COL14A1: variants seen among roughly 807,000 people sequenced by gnomAD.
COL14A1 encodes collagen alpha-1(XIV) chain.
A neutral mutation model predicts 230.3 loss-of-function variants in COL14A1; 136 were observed. The ratio of observed to expected loss-of-function variants is 0.59; its 90% CI spans 0.51 to 0.68. The LOEUF (loss-of-function observed/expected upper bound fraction) is 0.68. Ranked by LOEUF, COL14A1 falls within the 30% of genes least tolerant of loss-of-function variation. The probability of loss-of-function intolerance (pLI) is 0.00; values close to 1 mark genes in which losing one functional copy is unlikely to be tolerated. For synonymous variants in COL14A1, 792 were observed against 784.1 expected, an observed-to-expected ratio of 1.01 and a Z score of -0.17; for missense variants, 1,976 against 2,215.8, an observed-to-expected ratio of 0.89 and a Z score of 2.17.
intron 5 of COL14A1, 69 bp from the exon 6 acceptor site, chr8:120,196,722 A>G: frequency 6.6e-7 from 1 of 1,516,922 alleles, no homozygotes; most frequent in Non-Finnish European, 9.0e-7. Flanking sequence ...TCTAAAAGAC[A>G]TTAAGATGGA....
At position 120,327,984 on chromosome 8, in the gene COL14A1, G is replaced by A. The variant is rs28382363; in HGVS notation, c.4660-4157G>A. On this transcript the variant is annotated intron_variant, in intron 40 of 47. Transcript: ENST00000297848. ...TCACCATGTTGGCCAGGCTGGTCTCGAACTCCTGACCTCAGGTCATCTGCC... is the reference window on the plus strand; with the variant it reads ...TCACCATGTTGGCCAGGCTGGTCTCAAACTCCTGACCTCAGGTCATCTGCC... Among the ~76,000 whole-genome samples, 916 of 151,954 alleles carry A rather than the reference G, an allele frequency of 6.0e-3. 13 individuals are homozygous for A. Among genetic ancestry groups the A allele is most frequent in the African/African-American group, 0.02 (818 of 41,474 alleles).
intron 5 of COL14A1, among the ~76,000 whole-genome samples, chr8:120,186,459 A>T (rs74634507): frequency 0.014 from 2,074 of 152,362 alleles, 53 homozygotes; most frequent in African/African-American, 0.048. Context: ...GAACAAAATA[A>T]TTCAAAGCCC....
chr8:120,231,648 C>A, intron 19 of COL14A1, 30 bp downstream of exon 19: 1 of 1,604,288 alleles, frequency 6.2e-7, no homozygotes, highest in Non-Finnish European at 8.5e-7. Flanking sequence ...ACTAGAAACT[C>A]TGCAGATGTT....
chr8:120,238,681 G>T (rs1818525946), intron 19 of COL14A1, among the ~76,000 whole-genome samples: 1 of 152,188 alleles, frequency 6.6e-6, no homozygotes, highest in Admixed American at 6.5e-5. Context: ...AGCTAGCTCG[G>T]TGTTTGCCCA....
intron 33 of COL14A1, among the ~76,000 whole-genome samples, chr8:120,286,634 C>T (rs958475039): frequency 2.6e-5 from 4 of 152,060 alleles, no homozygotes; most frequent in Non-Finnish European, 4.4e-5. Context: ...CTCAGCCTCC[C>T]GAGGAGCTGG....
chr8:120,327,116 A>G (rs1469019829), intron 40 of COL14A1, among the ~76,000 whole-genome samples: 1 of 152,198 alleles, frequency 6.6e-6, no homozygotes, highest in African/African-American at 2.4e-5. Context: ...AAAAGTGTTT[A>G]GTTGTTTATG....
chr8:120,370,526 C>G, intron 47 of COL14A1: 1 of 1,480,072 alleles, frequency 6.8e-7, no homozygotes, highest in Non-Finnish European at 8.9e-7. Context: ...TTTCAAACCT[C>G]TTGCCCACTC....
At position 120,369,400 on chromosome 8, in the gene COL14A1, T is replaced by A. The variant is rs757397705; in HGVS notation, c.5226T>A (p.Gly1742=). ...PGSPGPRGPP[G]HLGVPGPQGP... ...CTCCTGGACCAAGAGGCCCACCAGG[T>A]CATCTGGGGGTTCCTGGACCCCAAG... The change falls in exon 47 of 48, where the codon GGT becomes GGA. Residue 1742 remains glycine, a synonymous_variant. Coordinates refer to ENST00000297848, the MANE Select transcript of COL14A1 (RefSeq NM_021110.4). 2 of 1,610,646 alleles carry A rather than the reference T, an allele frequency of 1.2e-6. No individual in the cohort carries two copies. Among genetic ancestry groups the A allele is most frequent in the African/African-American group, 2.7e-5 (2 of 74,960 alleles).
chr8:120,358,771 A>G (rs1274466110), intron 45 of COL14A1, among the ~76,000 whole-genome samples: 3 of 152,162 alleles, frequency 2.0e-5, no homozygotes, highest in Non-Finnish European at 4.4e-5. Flanking sequence ...TGTAGTTTAT[A>G]TGATAAAACT....
chr8:120,231,929 G>A (rs1316883843), intron 19 of COL14A1: 1 of 264,088 alleles, frequency 3.8e-6, no homozygotes, highest in Non-Finnish European at 7.2e-6. Context: ...ATATGCACTT[G>A]TGTCTGTATA....
At chr8:120,218,797 C>T (rs938434410) in intron 14 of COL14A1, among the ~76,000 whole-genome samples, 2 of 152,158 alleles carry the variant, frequency 1.3e-5, no homozygotes, top group African/African-American at 2.4e-5. Context: ...TCAGCTTCTA[C>T]TTATTGCTGC....
intron 24 of COL14A1, among the ~76,000 whole-genome samples, chr8:120,264,712 A>T (rs1165031156): frequency 2.0e-5 from 3 of 152,172 alleles, no homozygotes; most frequent in Non-Finnish European, 4.4e-5. Context: ...AATATCTTGC[A>T]GCACTAAGTA....
At chr8:120,214,384 A>G (rs1817691022) in intron 13 of COL14A1, among the ~76,000 whole-genome samples, 1 of 152,210 alleles carries the variant, frequency 6.6e-6, no homozygotes, top group South Asian at 2.1e-4. Flanking sequence ...CTCATGGACA[A>G]CACTCAGTAA....
chr8:120,189,993 T>C (rs1376731003), intron 5 of COL14A1, among the ~76,000 whole-genome samples: 2 of 151,052 alleles, frequency 1.3e-5, no homozygotes, highest in African/African-American at 4.9e-5. Context: ...CCTTTGGGTA[T>C]ATACCCAGTA....
chr8:120,215,991 A>G lies in COL14A1; in HGVS notation c.1598-360A>G, dbSNP rs377545531. ...GGTAGAGTGGCTTTGCCAGAGTCAC[A>G]TGGTAATTGAGTGGACTAGCTAAAA... On this transcript the variant is annotated intron_variant, in intron 13 of 47. Transcript: ENST00000297848. Among the ~76,000 whole-genome samples the G allele has an allele frequency of 8.3e-4, 126 of 152,344 alleles. 1 individual carries two copies. Among genetic ancestry groups the G allele is most frequent in the African/African-American group, 3.0e-3 (123 of 41,590 alleles).
intron 2 of COL14A1, among the ~76,000 whole-genome samples, chr8:120,154,848 G>A (rs1815412054): frequency 6.6e-6 from 1 of 152,124 alleles, no homozygotes; most frequent in Non-Finnish European, 1.5e-5. Context: ...GGTATAAAAT[G>A]TACACAAAGT....
chr8:120,257,532 G>A (rs1819195573), intron 23 of COL14A1, among the ~76,000 whole-genome samples: 1 of 152,162 alleles, frequency 6.6e-6, no homozygotes, highest in South Asian at 2.1e-4. Context: ...TTCCTACTTT[G>A]GAATGGAGAA....
At chr8:120,269,258 GC>G in intron 25 of COL14A1, among the ~76,000 whole-genome samples, 1 of 151,722 alleles carries the variant, frequency 6.6e-6, no homozygotes, top group Non-Finnish European at 1.5e-5. Context: ...AGGAGGAGAG[GC>G]ATAGATAATC....
At chr8:120,326,139 G>A (rs1284516116) in intron 40 of COL14A1, among the ~76,000 whole-genome samples, 1 of 152,124 alleles carries the variant, frequency 6.6e-6, no homozygotes, top group African/African-American at 2.4e-5. Context: ...GAGTTGACTG[G>A]CTTGCCCAGT....
Sources: gnomAD v4.1 joint callset for allele counts (sites outside exome capture counted in the v4.1 genomes callset) on GRCh38, gnomAD v4.1.1 for gene constraint, MANE v1.5 for transcripts, NCBI Gene and HGNC (gene_info 2026-07-23, HGNC 2026-07-21) for gene names.